The following WASL variants were observed in gnomAD, a reference collection of about 807,000 sequenced individuals.
WASL encodes actin nucleation-promoting factor WASL.
A neutral mutation model predicts 55.5 loss-of-function variants in WASL; 20 were observed. The ratio of observed to expected loss-of-function variants is 0.36; its 90% CI spans 0.25 to 0.52. The LOEUF is 0.52. Among genes scored for constraint, WASL ranks in the 20% least tolerant of loss-of-function variants. The probability of loss-of-function intolerance (pLI) is 0.92; values close to 1 mark genes in which losing one functional copy is unlikely to be tolerated. For synonymous variants in WASL, 249 were observed against 217.6 expected (o/e 1.14, Z -1.27); for missense variants, 504 against 622.5 (o/e 0.81, Z 2.03).
At chr7:123,719,718 G>A (rs1024568121) in intron 1 of WASL, among the ~76,000 whole-genome samples, 8 of 152,162 alleles carry the variant, frequency 5.3e-5, no homozygotes, top group African/African-American at 1.7e-4. Flanking sequence ...TTGTATCCTG[G>A]CAGTCAGCTC....
At chr7:123,714,532 G>T (rs1006394883) in intron 1 of WASL, among the ~76,000 whole-genome samples, 5 of 152,160 alleles carry the variant, frequency 3.3e-5, no homozygotes, top group African/African-American at 1.2e-4. Context: ...GATAGAAACA[G>T]CTGCTATCTT....
At chr7:123,723,013 T>C (rs1273686139) in intron 1 of WASL, among the ~76,000 whole-genome samples, 2 of 152,154 alleles carry the variant, frequency 1.3e-5, no homozygotes, top group Admixed American at 6.5e-5. Flanking sequence ...TTATTAGCAA[T>C]GTGGTTTTAA....
At chr7:123,719,273 T>C (rs1803896371) in intron 1 of WASL, among the ~76,000 whole-genome samples, 2 of 152,252 alleles carry the variant, frequency 1.3e-5, no homozygotes, top group African/African-American at 4.8e-5. Flanking sequence ...CCACATGATA[T>C]GCTGAAGTCA....
At chr7:123,686,767 T>C (rs1474091292) in intron 10 of WASL, among the ~76,000 whole-genome samples, 1 of 152,162 alleles carries the variant, frequency 6.6e-6, no homozygotes, top group East Asian at 1.9e-4. Context: ...CTCATTCCTA[T>C]GACATTACTA....
At chr7:123,704,925 A>T (rs1335388166) in intron 4 of WASL, among the ~76,000 whole-genome samples, 1 of 152,228 alleles carries the variant, frequency 6.6e-6, no homozygotes, top group Admixed American at 6.5e-5. Context: ...GGAGACAAGA[A>T]GGAAAGTCAG....
intron 1 of WASL, among the ~76,000 whole-genome samples, chr7:123,728,256 A>G (rs1448991609): frequency 1.3e-5 from 2 of 152,220 alleles, no homozygotes; most frequent in Admixed American, 1.3e-4. Context: ...CAAAGAAAAC[A>G]CTAGACTGTC....
chr7:123,696,874 C>T (rs1361499540), intron 5 of WASL, 127 bp from the exon 6 acceptor site: 2 of 706,646 alleles, frequency 2.8e-6, no homozygotes, highest in Non-Finnish European at 3.9e-6. Flanking sequence ...ATATTTTAAA[C>T]TTCTACATTT....
At chr7:123,706,935 T>C (rs1803681708) in intron 2 of WASL, 109 bp from the exon 3 acceptor site, 1 of 550,618 alleles carries the variant, frequency 1.8e-6, no homozygotes. Flanking sequence ...AAAATAACTT[T>C]TAATGCACAC....
intron 10 of WASL, among the ~76,000 whole-genome samples, chr7:123,685,349 C>T (rs1803269280): frequency 1.3e-5 from 2 of 151,928 alleles, no homozygotes; most frequent in African/African-American, 4.8e-5. Context: ...CTCATATGTA[C>T]TCTCCCTTCA....
At chr7:123,721,819 T>C (rs1803951954) in intron 1 of WASL, among the ~76,000 whole-genome samples, 1 of 152,130 alleles carries the variant, frequency 6.6e-6, no homozygotes, top group Non-Finnish European at 1.5e-5. Context: ...CTCAGGAGGC[T>C]GAGGCAAGAG....
At chr7:123,722,427 C>A (rs750114210) in intron 1 of WASL, among the ~76,000 whole-genome samples, 14 of 152,044 alleles carry the variant, frequency 9.2e-5, no homozygotes, top group Non-Finnish European at 1.6e-4. Flanking sequence ...GGTATTAATT[C>A]AATTAACAAT....
intron 1 of WASL, among the ~76,000 whole-genome samples, chr7:123,717,140 G>A (rs1037643605): frequency 3.3e-5 from 5 of 152,128 alleles, no homozygotes; most frequent in Admixed American, 6.6e-5. Flanking sequence ...ATGGCAGGGA[G>A]GGAGAGTTTG....
rs535355821 is a variant in WASL, at chr7:123,748,510, G to T, written c.117+108C>A. 45 of 1,191,624 alleles carry T rather than the reference G, an allele frequency of 3.8e-5. No individual in the cohort carries two copies. In the African/African-American group the frequency reaches 6.7e-4, roughly 18 times the overall value. 73.8% of individuals were successfully genotyped at this position (1,191,624 alleles called of 1,614,324 possible). A position where few individuals can be genotyped will look rare whatever the true frequency, so the allele number is the denominator to read the frequency against. ...GGGCCGGGGCCGGGGCTGGCGGGAG[G>T]CCTGGCCCGCGCCGCTCCCGCCTCC... On this transcript the variant is annotated intron_variant, in intron 1 of 10. Transcript: ENST00000223023.
At chr7:123,733,520 CA>C (rs1162468731) in intron 1 of WASL, among the ~76,000 whole-genome samples, 1 of 152,032 alleles carries the variant, frequency 6.6e-6, no homozygotes, top group Admixed American at 6.6e-5. Flanking sequence ...TTCAGGTTCA[CA>C]TAGGAAAAAA....
chr7:123,737,624 T>C (rs1219881648), intron 1 of WASL, among the ~76,000 whole-genome samples: 2 of 146,366 alleles, frequency 1.4e-5, no homozygotes, highest in African/African-American at 5.0e-5. Flanking sequence ...AAGCATTTCA[T>C]ATGGGAGAAA....
chr7:123,696,042 T>C (rs1380402774), intron 6 of WASL, among the ~76,000 whole-genome samples, 177 bp from the exon 7 acceptor site: 1 of 152,076 alleles, frequency 6.6e-6, no homozygotes, highest in East Asian at 1.9e-4. Flanking sequence ...AAGAACAGGA[T>C]TCTAGCCCTG....
rs1347900786 is a variant in WASL at position 123,728,431 on chromosome 7, A to G, written c.118-19208T>C. On this transcript the variant is annotated intron_variant, in intron 1 of 10. Coordinates refer to ENST00000223023, the MANE Select transcript of WASL (RefSeq NM_003941.4). ...GTGGCCTGCTATATTAGGGAGTAAAAAGGTAGAAAGGGAAAACAACAACCC... is the reference window on the plus strand; with the variant it reads ...GTGGCCTGCTATATTAGGGAGTAAAGAGGTAGAAAGGGAAAACAACAACCC... 3.3e-5 allele frequency among the ~76,000 whole-genome samples: 5 copies of G among 152,296 alleles called. No individual in the cohort carries two copies. The East Asian group carries it at 9.6e-4, about 29-fold the overall frequency.
At chr7:123,695,677 T>A in intron 7 of WASL, 146 bp downstream of exon 7, 1 of 694,142 alleles carries the variant, frequency 1.4e-6, no homozygotes, top group Non-Finnish European at 2.3e-6. Context: ...ATAATATGGT[T>A]TTAAACCTCA....
intron 3 of WASL, 124 bp from the exon 4 acceptor site, chr7:123,706,497 G>A (rs1209470349): frequency 2.1e-6 from 2 of 933,746 alleles, no homozygotes; most frequent in African/African-American, 3.4e-5. Context: ...TAGCAGATAA[G>A]ACATTATTTT....
Sources: gnomAD v4.1 joint callset for allele counts (sites outside exome capture counted in the v4.1 genomes callset) on GRCh38, gnomAD v4.1.1 for gene constraint, MANE v1.5 for transcripts, NCBI Gene and HGNC (gene_info 2026-07-23, HGNC 2026-07-21) for gene names.